MYO6: variants seen among roughly 807,000 people sequenced by gnomAD.
The protein encoded by MYO6 is myosin VI.
A neutral mutation model predicts 178.7 loss-of-function variants in MYO6; 74 were observed. The observed-to-expected ratio is 0.41, with a 90% confidence interval of 0.34 to 0.50. The LOEUF (loss-of-function observed/expected upper bound fraction) is 0.50. MYO6 is among the 20% of genes least tolerant of loss of function. MYO6 has a pLI of 0.09. For synonymous variants in MYO6, 477 were observed against 504.6 expected (o/e 0.95, Z 0.73); for missense variants, 1,330 against 1,547.4 (o/e 0.86, Z 2.36).
At chr6:75,847,191 G>A (rs1167560758) in intron 10 of MYO6, among the ~76,000 whole-genome samples, 1 of 152,200 alleles carries the variant, frequency 6.6e-6, no homozygotes, top group Middle Eastern at 3.4e-3. Context: ...AGTTTTGGCT[G>A]CATGTGATTG....
chr6:75,844,206 A>G (rs1350774829), intron 9 of MYO6, among the ~76,000 whole-genome samples: 1 of 152,202 alleles, frequency 6.6e-6, no homozygotes, highest in African/African-American at 2.4e-5. Context: ...AAATGGGAGC[A>G]GTAGATTCTT....
chr6:75,760,607 T>C (rs1777859898), intron 1 of MYO6, among the ~76,000 whole-genome samples: 1 of 151,986 alleles, frequency 6.6e-6, no homozygotes, highest in Non-Finnish European at 1.5e-5. Flanking sequence ...ATAAATGTTA[T>C]AACTGAGTTA....
At chr6:75,897,543 G>A (rs1779401970) in intron 29 of MYO6, among the ~76,000 whole-genome samples, 1 of 152,096 alleles carries the variant, frequency 6.6e-6, no homozygotes, top group South Asian at 2.1e-4. Flanking sequence ...AGGCATTCAG[G>A]AAATTGCACC....
At chr6:75,753,443 G>A (rs1485764214) in intron 1 of MYO6, among the ~76,000 whole-genome samples, 1 of 124,114 alleles carries the variant, frequency 8.1e-6, no homozygotes, top group African/African-American at 3.2e-5. Flanking sequence ...ATCTATATAT[G>A]TGTGTGTGTG....
rs551348450 is a variant in MYO6 at position 75,890,140 on chromosome 6, G to GA, written c.2751dup (p.Gln918ThrfsTer24). On this transcript the variant is annotated frameshift_variant, in exon 26 of 35. Transcript: ENST00000369977. LOFTEE classifies it high-confidence loss of function. Reference sequence around the variant, plus strand: ...CAGAGGAACTCCTCAGTGCATTACAGAAAAAAAAACAGCAGGAAGAGGAAG... The same window carrying GA: ...CAGAGGAACTCCTCAGTGCATTACAGAAAAAAAAAACAGCAGGAAGAGGAAG... 3.5e-3 allele frequency: 5,036 copies of GA among 1,431,024 alleles called. No homozygotes were observed. Among genetic ancestry groups the GA allele is most frequent in the Non-Finnish European group, 4.2e-3 (4,396 of 1,047,630 alleles). 88.6% of individuals were successfully genotyped at this position (1,431,024 alleles called of 1,614,324 possible).
chr6:75,796,713 T>C (rs751500292), intron 1 of MYO6, among the ~76,000 whole-genome samples: 1 of 151,912 alleles, frequency 6.6e-6, no homozygotes, highest in Non-Finnish European at 1.5e-5. Flanking sequence ...AGCAGTCCTC[T>C]TGCCTTGGCC....
chr6:75,851,859 A>G (rs971287451), intron 11 of MYO6, among the ~76,000 whole-genome samples: 1 of 152,126 alleles, frequency 6.6e-6, no homozygotes, highest in Non-Finnish European at 1.5e-5. Flanking sequence ...GTATTTTTAT[A>G]ATTATTCTAC....
chr6:75,819,689 T>C (rs1000788342), intron 2 of MYO6, among the ~76,000 whole-genome samples: 1 of 152,262 alleles, frequency 6.6e-6, no homozygotes. Flanking sequence ...AATGAAACAG[T>C]TGATCAAAAG....
At chr6:75,784,439 C>G (rs1359132433) in intron 1 of MYO6, among the ~76,000 whole-genome samples, 2 of 151,748 alleles carry the variant, frequency 1.3e-5, no homozygotes, top group Non-Finnish European at 1.5e-5. Flanking sequence ...TGGGGAAAGC[C>G]AGCTTTCCAT....
chr6:75,774,250 A>T (rs1034978467), intron 1 of MYO6, among the ~76,000 whole-genome samples: 1 of 152,190 alleles, frequency 6.6e-6, no homozygotes, highest in African/African-American at 2.4e-5. Context: ...TACATAATAA[A>T]ATGGTATATA....
At chr6:75,858,658 A>C (rs1375047731) in intron 13 of MYO6, among the ~76,000 whole-genome samples, 1 of 152,166 alleles carries the variant, frequency 6.6e-6, no homozygotes, top group Non-Finnish European at 1.5e-5. Flanking sequence ...TTTAGTATAC[A>C]ACATTTATCT....
In MYO6 at chr6:75,902,510, C is replaced by T. The variant is rs545005277; in HGVS notation, c.3176+4099C>T. Among the ~76,000 whole-genome samples, 91 of 152,230 alleles carry T rather than the reference C, an allele frequency of 6.0e-4. 1 individual carries two copies. The highest frequency in any genetic ancestry group is 1.8e-3 in the African/African-American group (75 of 41,538). On this transcript the variant is annotated intron_variant, in intron 30 of 34. Transcript: ENST00000369977. ...TCTTCTAGATTTTCTAGTTTATTTG[C>T]GTAGAGTTGTTTGTAGTATTCTCTG...
rs766385429 is a variant in MYO6 at position 75,861,011 on chromosome 6, T to C, written c.1474-12T>C. ...ATTGCTGTATCTATGATTATGATTA[T>C]TTCATTTTTAGGAACAAGAACTCTA... On this transcript the variant is annotated splice_polypyrimidine_tract_variant and intron_variant, in intron 14 of 34. Coordinates refer to ENST00000369977, the MANE Select transcript of MYO6 (RefSeq NM_004999.4). The C allele has an allele frequency of 1.9e-6, 3 of 1,556,428 alleles. No individual in the cohort carries two copies. The Admixed American group carries it at 5.0e-5, about 26-fold the overall frequency.
At chr6:75,807,051 C>T (rs186643264) in intron 1 of MYO6, among the ~76,000 whole-genome samples, 1 of 152,270 alleles carries the variant, frequency 6.6e-6, no homozygotes, top group East Asian at 1.9e-4. Flanking sequence ...CAGTGCTCAG[C>T]GTGGCTGTCT....
At chr6:75,788,010 C>T (rs1271984114) in intron 1 of MYO6, among the ~76,000 whole-genome samples, 1 of 151,640 alleles carries the variant, frequency 6.6e-6, no homozygotes, top group African/African-American at 2.4e-5. Context: ...ATTCTCCTAC[C>T]TTGGCCTCCC....
chr6:75,821,392 T>A (rs1439538202), intron 2 of MYO6, among the ~76,000 whole-genome samples: 2 of 152,202 alleles, frequency 1.3e-5, no homozygotes, highest in African/African-American at 4.8e-5. Context: ...TATTATAAAT[T>A]GTGGCTTGTT....
chr6:75,858,331 T>C (rs1426572612), intron 13 of MYO6, among the ~76,000 whole-genome samples: 1 of 152,102 alleles, frequency 6.6e-6, no homozygotes, highest in Non-Finnish European at 1.5e-5. Context: ...GTTGGCCGGG[T>C]GCGGTGGCTC....
intron 28 of MYO6, 36 bp from the exon 29 acceptor site, chr6:75,895,195 G>T (rs1421578664): frequency 1.3e-6 from 2 of 1,531,088 alleles, no homozygotes; most frequent in Non-Finnish European, 1.8e-6. Flanking sequence ...GTTCACAATT[G>T]GTTACGATAT....
intron 28 of MYO6, among the ~76,000 whole-genome samples, chr6:75,894,037 G>A (rs1213357711): frequency 6.6e-6 from 1 of 152,176 alleles, no homozygotes; most frequent in Non-Finnish European, 1.5e-5. Flanking sequence ...TGTCTGTGAG[G>A]AAGTACTGCA....
Sources: gnomAD v4.1 joint callset for allele counts (sites outside exome capture counted in the v4.1 genomes callset) on GRCh38, gnomAD v4.1.1 for gene constraint, MANE v1.5 for transcripts, NCBI Gene and HGNC (gene_info 2026-07-23, HGNC 2026-07-21) for gene names.